Variants in ZSWIM8 observed in about 807,000 individuals in gnomAD.
ZSWIM8 encodes zinc finger SWIM-type containing 8, also known as zinc finger SWIM domain-containing protein 8.
In ZSWIM8, 27 loss-of-function variants were observed where a neutral mutation model predicts 173.7. The observed-to-expected ratio is 0.16, with a 90% CI of 0.11 to 0.21. The LOEUF is 0.21. Among genes scored for constraint, ZSWIM8 ranks in the 10% least tolerant of loss-of-function variants. The probability of loss-of-function intolerance (pLI) is 1.00; values close to 1 mark genes in which losing one functional copy is unlikely to be tolerated. For missense variants in ZSWIM8, 1,627 were observed against 2,428.8 expected, an observed-to-expected ratio of 0.67 and a Z score of 6.94; for synonymous variants, 958 against 962.0, an observed-to-expected ratio of 1.00 and a Z score of 0.08.
rs1336273239 is a variant in ZSWIM8 at position 73,801,325 on chromosome 10, C to A, written c.5311C>A (p.His1771Asn). 6.2e-7 allele frequency: 1 copy of A among 1,613,722 alleles called. No individual in the cohort carries two copies. The highest frequency in any genetic ancestry group is 2.2e-5 in the East Asian group (1 of 44,888). Residue 1771 changes from histidine (H) to asparagine (N), a missense_variant, in exon 26 of 26, where the codon CAC (histidine) becomes AAC (asparagine). Physicochemically the swap from His to Asn is moderately conservative, Grantham distance 68. Transcript: ENST00000604729. The surrounding 1 kb of genome is among the most constrained non-coding windows in gnomAD (Gnocchi z 4.9). The part of the protein sequence containing the change: ...CQQAYMQYIH[H>N]RLIHLTPADY... ...ACACATCCTCCTCCAGTACATCCACCACCGCTTGATTCACCTGACTCCTGC... is the reference window on the plus strand; with the variant it reads ...ACACATCCTCCTCCAGTACATCCACAACCGCTTGATTCACCTGACTCCTGC...
chr10:73,799,906 C>CT (rs2083851409), intron 21 of ZSWIM8, 105 bp from the exon 22 acceptor site: 1 of 1,246,248 alleles, frequency 8.0e-7, no homozygotes, highest in Admixed American at 2.0e-5. Flanking sequence ...GAGCGAGACT[C>CT]TATCTCAAAA....
chr10:73,796,599 A>G, intron 15 of ZSWIM8, 175 bp from the exon 16 acceptor site: 1 of 800,304 alleles, frequency 1.2e-6, no homozygotes, highest in Non-Finnish European at 1.9e-6. Flanking sequence ...TGTTGGGGTT[A>G]AATAAGTTAC....
intron 1 of ZSWIM8, chr10:73,786,345 T>TGCGC (rs1274488060): frequency 2.8e-6 from 1 of 359,454 alleles, no homozygotes; most frequent in Non-Finnish European, 5.0e-6. Context: ...TGTGTGTGTG[T>TGCGC]GCGCGCGCGC....
rs2083719370 is a variant in ZSWIM8, at chr10:73,797,439, C to T, written c.3496C>T (p.Arg1166Trp). ...TTSDSSPTLSRRPLRGGWAPT... is the reference protein window; with the variant it reads ...TTSDSSPTLSWRPLRGGWAPT... ...ATCGGATAGTTCCCCCACCTTAAGC[C>T]GGAGACCACTTCGAGGGGGCTGGGC... Residue 1166 changes from arginine to tryptophan, a missense_variant, in exon 18 of 26, where the codon CGG (arginine) becomes TGG (tryptophan). By Grantham distance (101) the Arg-to-Trp change is moderately radical (BLOSUM62 -3). Coordinates refer to ENST00000604729, the MANE Select transcript of ZSWIM8 (RefSeq NM_001367799.1). The surrounding 1 kb of genome is among the most constrained non-coding windows in gnomAD (Gnocchi z 5.6). The T allele has an allele frequency of 1.2e-6, 2 of 1,613,912 alleles. No homozygotes were observed. The highest frequency in any genetic ancestry group is 1.1e-5 in the South Asian group (1 of 91,076).
Position 73,785,965 on chromosome 10 carries a change from C to T in ZSWIM8, c.87C>T (p.Ser29=), listed in dbSNP as rs2083201877. 6.3e-7 allele frequency: 1 copy of T among 1,580,844 alleles called. No individual in the cohort carries two copies. Among genetic ancestry groups the T allele is most frequent in the Non-Finnish European group, 8.6e-7 (1 of 1,163,628 alleles). The stretch of plus-strand genomic sequence containing the variant: ...GTTTTGAGGAGGATTCACTCTGTTC[C>T]TTCATCTCCGAGGCCGAGAGCCTCT... ...SDRFEEDSLC[S]FISEAESLCQ... is the part of the protein sequence containing the mutation. The change falls in exon 1 of 26, where the codon TCC becomes TCT. Residue 29 remains serine, a synonymous_variant. Transcript: ENST00000604729.
chr10:73,800,038 C>G lies in ZSWIM8; in HGVS notation c.4693C>G (p.Gln1565Glu). The G allele has an allele frequency of 6.2e-7, 1 of 1,613,748 alleles. No individual in the cohort carries two copies. The highest frequency in any genetic ancestry group is 8.5e-7 in the Non-Finnish European group (1 of 1,179,786). The change falls in exon 22 of 26, where the codon CAG (glutamine) becomes GAG (glutamate). Residue 1565 changes from glutamine (Q) to glutamate (E), a missense_variant. Gln to Glu is a conservative substitution (Grantham distance 29). Around this residue, in one of 18 missense-constraint regions of ZSWIM8, gnomAD observed 275 missense variants for 290.1 expected, o/e 0.95. Coordinates refer to ENST00000604729, the MANE Select transcript of ZSWIM8 (RefSeq NM_001367799.1). The surrounding 1 kb of genome is among the most constrained non-coding windows in gnomAD (Gnocchi z 4.1). ...QGVHPAFLGA[Q>E]YPYSVTPPSL... ...TGTGCATCCTGCATTCCTAGGGGCT[C>G]AGTACCCTTATTCAGTGACTCCTCC...
At position 73,800,495 on chromosome 10, in the gene ZSWIM8, GCTC is replaced by G. The variant is rs2083890252; in HGVS notation, c.5002+26_5002+28del. Reference sequence around the variant, plus strand: ...TCGGTGAGAGGACATCCCTTTCTGTGCTCCTACCTGCAGTTGTGCCAGTGGCTC... The same window carrying G: ...TCGGTGAGAGGACATCCCTTTCTGTGCTACCTGCAGTTGTGCCAGTGGCTC... On this transcript the variant is annotated intron_variant, in intron 23 of 25. Coordinates refer to ENST00000604729, the MANE Select transcript of ZSWIM8 (RefSeq NM_001367799.1). This position sits in a 1 kb window ranked among gnomAD's most constrained non-coding sequence, Gnocchi z 4.1. 1.2e-6 allele frequency: 2 copies of G among 1,612,106 alleles called. No homozygotes were observed. Among genetic ancestry groups the G allele is most frequent in the African/African-American group, 1.3e-5 (1 of 75,004 alleles).
chr10:73,799,353 C>A lies in ZSWIM8; in HGVS notation c.4528C>A (p.Leu1510Met), dbSNP rs551098394. 1.6e-5 allele frequency: 26 copies of A among 1,611,630 alleles called. No individual in the cohort carries two copies. In the East Asian group the frequency reaches 5.8e-4, roughly 36 times the overall value. The change falls in exon 21 of 26, where the codon CTG becomes ATG. Residue 1510 changes from leucine (L) to methionine (M), a missense_variant. Physicochemically the swap from Leu to Met is conservative, Grantham distance 15. Coordinates refer to ENST00000604729, the MANE Select transcript of ZSWIM8 (RefSeq NM_001367799.1). ...ACTGGGGCATGGCCACTCCCCTGGC[C>A]TGCACCCCTACACTGCTCTACAGCC... is the stretch of plus-strand genomic sequence containing the variant. ...PGLGHGHSPGLHPYTALQPHL... is the reference protein window; with the variant it reads ...PGLGHGHSPGMHPYTALQPHL...
Position 73,786,293 on chromosome 10 carries a change from G to A in ZSWIM8, c.208+207G>A. 4 of 572,920 alleles carry A rather than the reference G, an allele frequency of 7.0e-6. No homozygotes were observed. The South Asian group carries it at 1.1e-4, about 16-fold the overall frequency. The allele number at this position is 572,920 out of a possible 1,614,324, so 35.5% of individuals were successfully genotyped here. A position where few individuals can be genotyped will look rare whatever the true frequency, so the allele number is the denominator to read the frequency against. ...GAACTCGCTTTTCCGGCCTTCCTGGGGTGGGCTGGCTTCTCCACACCTGTG... is the reference window on the plus strand; with the variant it reads ...GAACTCGCTTTTCCGGCCTTCCTGGAGTGGGCTGGCTTCTCCACACCTGTG... On this transcript the variant is annotated intron_variant, in intron 1 of 25. Coordinates refer to ENST00000604729, the MANE Select transcript of ZSWIM8 (RefSeq NM_001367799.1).
At position 73,799,347 on chromosome 10, in the gene ZSWIM8, C is replaced by A; in HGVS notation, c.4522C>A (p.Pro1508Thr). The A allele has an allele frequency of 1.9e-6, 3 of 1,611,066 alleles. No homozygotes were observed. Among genetic ancestry groups the A allele is most frequent in the Non-Finnish European group, 2.5e-6 (3 of 1,178,828 alleles). Residue 1508 changes from proline (P) to threonine (T), a missense_variant, in exon 21 of 26, where the codon CCT becomes ACT. Around this residue, in one of 18 missense-constraint regions of ZSWIM8, gnomAD observed 275 missense variants for 290.1 expected, o/e 0.95. Coordinates refer to ENST00000604729, the MANE Select transcript of ZSWIM8 (RefSeq NM_001367799.1). ...TCCAGGACTGGGGCATGGCCACTCC[C>A]CTGGCCTGCACCCCTACACTGCTCT... Reference protein sequence around the residue: ...PGPGLGHGHSPGLHPYTALQP... With the variant: ...PGPGLGHGHSTGLHPYTALQP...
chr10:73,785,657 G>T lies in ZSWIM8; in HGVS notation c.-222G>T, dbSNP rs1004366895. ...GCGCTTCGTCCCGGCCCTAAGTCTC[G>T]GAGACTGGCCAAGATCACCGCTTGC... On this transcript the variant is annotated 5_prime_UTR_variant, in exon 1 of 26. Coordinates refer to ENST00000604729, the MANE Select transcript of ZSWIM8 (RefSeq NM_001367799.1). The T allele has an allele frequency of 1.6e-6, 1 of 623,278 alleles. No homozygotes were observed. Among genetic ancestry groups the T allele is most frequent in the Admixed American group, 2.2e-5 (1 of 45,318 alleles). The allele number at this position is 623,278 out of a possible 1,614,324, so 38.6% of individuals were successfully genotyped here. A position where few individuals can be genotyped will look rare whatever the true frequency, so the allele number is the denominator to read the frequency against.
At chr10:73,788,458 G>A (rs933032888) in intron 1 of ZSWIM8, among the ~76,000 whole-genome samples, 1 of 152,122 alleles carries the variant, frequency 6.6e-6, no homozygotes, top group African/African-American at 2.4e-5. Context: ...AGCCGGCTGT[G>A]GGCTGGGGAT....
In ZSWIM8 at chr10:73,797,163, A is replaced by G; in HGVS notation, c.3325A>G (p.Thr1109Ala). ...GGGTCTTCCATCTGAGGCAGCTTTG[A>G]CCCCAAGGCCAGAAGGGAAGGTTCC... ...CEGLPSEAAL[T>A]PRPEGKVPSR... is the part of the protein sequence containing the mutation. The change falls in exon 17 of 26, where the codon ACC becomes GCC. Residue 1109 changes from threonine to alanine, a missense_variant. By Grantham distance (58) the Thr-to-Ala change is moderately conservative. This residue lies in a region of ZSWIM8 where 163 missense variants were observed against 193.2 expected (regional missense o/e 0.84). Transcript: ENST00000604729. This position sits in a 1 kb window ranked among gnomAD's most constrained non-coding sequence, Gnocchi z 5.6. 6.2e-7 allele frequency: 1 copy of G among 1,613,646 alleles called. No individual in the cohort carries two copies. The highest frequency in any genetic ancestry group is 2.2e-5 in the East Asian group (1 of 44,878).
Position 73,790,973 on chromosome 10 carries a change from A to G in ZSWIM8, c.942-2A>G. On this transcript the variant is annotated splice_acceptor_variant, in intron 7 of 25. Transcript: ENST00000604729. LOFTEE classifies it high-confidence loss of function. ...TGGTTTTCTGTTCCTCTGCTTTTAC[A>G]GTGATGTGAACTCCATGTATCTGTC... is the stretch of plus-strand genomic sequence containing the variant. 1 of 1,606,690 alleles carries G rather than the reference A, an allele frequency of 6.2e-7. No individual in the cohort carries two copies. The highest frequency in any genetic ancestry group is 8.5e-7 in the Non-Finnish European group (1 of 1,179,238).
rs1400704585 is a variant in ZSWIM8 at position 73,801,680 on chromosome 10, CT to C, written c.*162del. On this transcript the variant is annotated 3_prime_UTR_variant, in exon 26 of 26. Transcript: ENST00000604729. The surrounding 1 kb of genome is among the most constrained non-coding windows in gnomAD (Gnocchi z 4.9). ...GGGCTATAGCTTGGGGCCAAGATGT[CT>C]CACACCCTAGAAGCCTAGGGCTGGG... The C allele has an allele frequency of 6.5e-7, 1 of 1,534,580 alleles. No homozygotes were observed. Among genetic ancestry groups the C allele is most frequent in the South Asian group, 1.2e-5 (1 of 83,220 alleles).
At position 73,800,090 on chromosome 10, in the gene ZSWIM8, T is replaced by C; in HGVS notation, c.4745T>C (p.Phe1582Ser). The C allele has an allele frequency of 6.2e-7, 1 of 1,613,796 alleles. No homozygotes were observed. ...PPSLAATAVSFPVPSMAPITV... is the reference protein window; with the variant it reads ...PPSLAATAVSSPVPSMAPITV... ...TCACTTGCTGCCACTGCTGTGTCTTTCCCCGTTCCTTCCATGGCACCCATC... is the reference window on the plus strand; with the variant it reads ...TCACTTGCTGCCACTGCTGTGTCTTCCCCCGTTCCTTCCATGGCACCCATC... Residue 1582 changes from phenylalanine (F) to serine (S), a missense_variant, in exon 22 of 26, where the codon TTC becomes TCC. Phe to Ser is a radical substitution (Grantham distance 155). Around this residue, in one of 18 missense-constraint regions of ZSWIM8, gnomAD observed 275 missense variants for 290.1 expected, o/e 0.95. Transcript: ENST00000604729. This position sits in a 1 kb window ranked among gnomAD's most constrained non-coding sequence, Gnocchi z 4.1.
Position 73,792,348 on chromosome 10 carries a change from C to G in ZSWIM8, c.1809C>G (p.Ser603Arg). The change falls in exon 10 of 26, where the codon AGC becomes AGG. Residue 603 changes from serine (S) to arginine (R), a missense_variant. Ser to Arg is a moderately radical substitution (Grantham distance 110). Coordinates refer to ENST00000604729, the MANE Select transcript of ZSWIM8 (RefSeq NM_001367799.1). This position sits in a 1 kb window ranked among gnomAD's most constrained non-coding sequence, Gnocchi z 4.3. ...GCAAGGGCTCAGCAGGTGGCGGAAG[C>G]AAGCGACGGCTGAGCAGCGAAGACA... ...SGSKGSAGGG[S>R]KRRLSSEDSS... is the part of the protein sequence containing the mutation. The G allele has an allele frequency of 6.2e-7, 1 of 1,612,016 alleles. No individual in the cohort carries two copies. Among genetic ancestry groups the G allele is most frequent in the Non-Finnish European group, 8.5e-7 (1 of 1,179,122 alleles).
chr10:73,789,843 C>G lies in ZSWIM8; in HGVS notation c.738+19C>G. 1 of 1,594,552 alleles carries G rather than the reference C, an allele frequency of 6.3e-7. No homozygotes were observed. The highest frequency in any genetic ancestry group is 8.5e-7 in the Non-Finnish European group (1 of 1,170,246). ...TCAGCAGGTGGGTGAGGTCGGCACC[C>G]CCTCCTGCAATTAGCTCCGGGCCAG... On this transcript the variant is annotated intron_variant, in intron 5 of 25. Transcript: ENST00000604729. The surrounding 1 kb of genome is among the most constrained non-coding windows in gnomAD (Gnocchi z 6.8).
rs770211974 is a variant in ZSWIM8 at position 73,797,244 on chromosome 10, C to G, written c.3406C>G (p.Pro1136Ala). Residue 1136 changes from proline (P) to alanine (A), a missense_variant, in exon 17 of 26, where the codon CCA becomes GCA. Transcript: ENST00000604729. This position sits in a 1 kb window ranked among gnomAD's most constrained non-coding sequence, Gnocchi z 5.6. ...CTATAATGGACGGGGATGGGGGTCC[C>G]CAGGACGGCCTAAGAAGAAGCACAC... ...GGYNGRGWGS[P>A]GRPKKKHTGM... is the part of the protein sequence containing the mutation. The G allele has an allele frequency of 6.2e-7, 1 of 1,613,786 alleles. No homozygotes were observed. The highest frequency in any genetic ancestry group is 8.5e-7 in the Non-Finnish European group (1 of 1,179,846).
Sources: gnomAD v4.1 joint callset for allele counts (sites outside exome capture counted in the v4.1 genomes callset) on GRCh38, gnomAD v4.1.1 for gene constraint, gnomAD v4.1.1 regional missense constraint, Gnocchi (gnomAD v3.1) non-coding constraint, MANE v1.5 for transcripts, NCBI Gene and HGNC (gene_info 2026-07-23, HGNC 2026-07-21) for gene names.